The following KCNK10 variants were observed in gnomAD, a reference collection of about 807,000 sequenced individuals.
KCNK10 encodes potassium channel subfamily K member 10.
Under a neutral mutation model 47.7 loss-of-function variants are expected in KCNK10, and 25 were observed. The observed-to-expected ratio is 0.52, with a 90% CI of 0.38 to 0.73. KCNK10 has a LOEUF of 0.73. Ranked by LOEUF, KCNK10 falls within the 30% of genes least tolerant of loss-of-function variation. The probability of loss-of-function intolerance (pLI) is 0.00; values close to 1 mark genes in which losing one functional copy is unlikely to be tolerated. For synonymous variants in KCNK10, 303 were observed against 285.6 expected, an observed-to-expected ratio of 1.06 and a Z score of -0.61; for missense variants, 563 against 714.5, an observed-to-expected ratio of 0.79 and a Z score of 2.42.
chr14:88,282,384 T>C (rs1887669402), intron 1 of KCNK10, among the ~76,000 whole-genome samples: 1 of 152,176 alleles, frequency 6.6e-6, no homozygotes, highest in South Asian at 2.1e-4. Context: ...CAGTTCATGA[T>C]TTTGTATTAA....
chr14:88,299,658 G>C (rs1888056272), intron 1 of KCNK10, among the ~76,000 whole-genome samples: 2 of 152,054 alleles, frequency 1.3e-5, no homozygotes, highest in African/African-American at 4.8e-5. Context: ...CTGTGCATTT[G>C]GAAAAATAGA....
chr14:88,296,375 T>C lies in KCNK10; in HGVS notation c.52+26372A>G, dbSNP rs114342814. On this transcript the variant is annotated intron_variant, in intron 1 of 6. Transcript: ENST00000319231. The stretch of plus-strand genomic sequence containing the variant: ...AATATTGATGATCAATGAATACTTA[T>C]CTTGTAGAATTGTTATCATTTAAAA... 3.0e-3 allele frequency among the ~76,000 whole-genome samples: 455 copies of C among 152,324 alleles called. 6 individuals carry two copies. Among genetic ancestry groups the C allele is most frequent in the African/African-American group, 9.7e-3 (402 of 41,568 alleles).
At chr14:88,321,477 A>C (rs1477643454) in intron 1 of KCNK10, among the ~76,000 whole-genome samples, 1 of 152,200 alleles carries the variant, frequency 6.6e-6, no homozygotes, top group Non-Finnish European at 1.5e-5. Context: ...CTGTATCTCC[A>C]GAGCTTAGGA....
intron 2 of KCNK10, among the ~76,000 whole-genome samples, chr14:88,247,810 T>C (rs1398477767): frequency 6.6e-6 from 1 of 152,226 alleles, no homozygotes; most frequent in African/African-American, 2.4e-5. Flanking sequence ...TCTATCTAAA[T>C]ATTATCTTAT....
intron 1 of KCNK10, among the ~76,000 whole-genome samples, chr14:88,297,108 A>G (rs1467759284): frequency 6.6e-6 from 1 of 152,234 alleles, no homozygotes; most frequent in Non-Finnish European, 1.5e-5. Flanking sequence ...AGTTTATCGG[A>G]GTACTGCACA....
intron 1 of KCNK10, among the ~76,000 whole-genome samples, chr14:88,319,288 G>A (rs1383248050): frequency 3.3e-5 from 5 of 152,058 alleles, no homozygotes; most frequent in Admixed American, 1.3e-4. Flanking sequence ...TAAATTGTAG[G>A]GTAATAAGGC....
intron 4 of KCNK10, among the ~76,000 whole-genome samples, 167 bp downstream of exon 4, chr14:88,227,208 A>C (rs1399464606): frequency 6.6e-6 from 1 of 152,250 alleles, no homozygotes; most frequent in African/African-American, 2.4e-5. Flanking sequence ...AAGGGAGTTT[A>C]GGTGCAAGAT....
intron 1 of KCNK10, among the ~76,000 whole-genome samples, chr14:88,305,739 C>T (rs1039749314): frequency 1.3e-5 from 2 of 152,118 alleles, no homozygotes; most frequent in Non-Finnish European, 2.9e-5. Context: ...GTGAAGAAAT[C>T]GCCAGTAGGG....
intron 2 of KCNK10, among the ~76,000 whole-genome samples, chr14:88,261,316 C>T (rs1229180171): frequency 6.6e-6 from 1 of 152,162 alleles, no homozygotes; most frequent in Non-Finnish European, 1.5e-5. Flanking sequence ...CATATCACAA[C>T]AATGTGTATA....
At chr14:88,229,863 C>T (rs80325391) in intron 3 of KCNK10, among the ~76,000 whole-genome samples, 2,162 of 152,264 alleles carry the variant, frequency 0.014, 32 homozygotes, top group East Asian at 0.04. Flanking sequence ...TCTAGTTACA[C>T]CCCGCCTCTC....
intron 1 of KCNK10, among the ~76,000 whole-genome samples, chr14:88,290,210 CAGAG>C (rs1887847502): frequency 6.6e-6 from 1 of 151,896 alleles, no homozygotes; most frequent in Non-Finnish European, 1.5e-5. Context: ...GCGGGAGGGC[CAGAG>C]AGAGGAGGCA....
intron 1 of KCNK10, among the ~76,000 whole-genome samples, chr14:88,275,693 C>CAAAAAAAAAAA (rs71126972): frequency 3.1e-4 from 22 of 71,928 alleles, no homozygotes; most frequent in African/African-American, 1.1e-3. Flanking sequence ...GCTAAAAATA[C>CAAAAAAAAAAA]AAAAAAAAAA....
Position 88,186,587 on chromosome 14 carries a change from A to G in KCNK10, c.1012-432T>C, listed in dbSNP as rs1388584151. On this transcript the variant is annotated intron_variant, in intron 6 of 6. Coordinates refer to ENST00000319231, the MANE Select transcript of KCNK10 (RefSeq NM_138317.3). The surrounding 1 kb of genome is among the most constrained non-coding windows in gnomAD (Gnocchi z 5.5). ...AAATGCACCTCACTCAGTCCTGGGC[A>G]CAGCAGATGTTCAGCAGGCCTTCTG... Among the ~76,000 whole-genome samples, 2 of 152,172 alleles carry G rather than the reference A, an allele frequency of 1.3e-5. No homozygotes were observed. The highest frequency in any genetic ancestry group is 2.9e-5 in the Non-Finnish European group (2 of 68,036).
At position 88,186,009 on chromosome 14, in the gene KCNK10, G is replaced by C; in HGVS notation, c.1158C>G (p.Gly386=). The C allele has an allele frequency of 6.2e-7, 1 of 1,613,372 alleles. No homozygotes were observed. Among genetic ancestry groups the C allele is most frequent in the African/African-American group, 1.3e-5 (1 of 75,046 alleles). The stretch of plus-strand genomic sequence containing the variant: ...CCAGTGAGTGGGCCCGCTGGTCCAG[G>C]CCCAGCCGCCGGCGCTCCATGCTGC... ...TIRSMERRRL[G]LDQRAHSLDM... The change falls in exon 7 of 7, where the codon GGC becomes GGG. Residue 386 remains glycine (G), a synonymous_variant. Transcript: ENST00000319231. The surrounding 1 kb of genome is among the most constrained non-coding windows in gnomAD (Gnocchi z 5.5).
chr14:88,291,648 T>C (rs754886399), intron 1 of KCNK10, among the ~76,000 whole-genome samples: 27 of 152,168 alleles, frequency 1.8e-4, no homozygotes, highest in Non-Finnish European at 2.9e-4. Context: ...GAGATTTGTC[T>C]GAACTCAGGG....
At chr14:88,190,639 T>A (rs1346289890) in intron 5 of KCNK10, among the ~76,000 whole-genome samples, 2 of 151,624 alleles carry the variant, frequency 1.3e-5, no homozygotes, top group Non-Finnish European at 2.9e-5. Flanking sequence ...AGTTAAAAGC[T>A]AAAAAAAACT....
chr14:88,215,733 C>T (rs1366074014), intron 4 of KCNK10, among the ~76,000 whole-genome samples: 2 of 151,600 alleles, frequency 1.3e-5, no homozygotes, highest in South Asian at 2.1e-4. Context: ...CAAAGCTTGC[C>T]GGGGGGAAAA....
At chr14:88,188,507 T>C (rs12896330) in intron 5 of KCNK10, among the ~76,000 whole-genome samples, 36,519 of 152,140 alleles carry the variant, frequency 0.24, 5,042 homozygotes, top group Non-Finnish European at 0.31. Flanking sequence ...TATAATCATA[T>C]CACCCCCTAT....
At chr14:88,211,405 A>C (rs987663511) in intron 4 of KCNK10, among the ~76,000 whole-genome samples, 8 of 152,240 alleles carry the variant, frequency 5.3e-5, no homozygotes, top group African/African-American at 1.9e-4. Flanking sequence ...ATTTGGGAAG[A>C]TGGAAAAGTT....
Sources: allele counts gnomAD v4.1 joint callset (sites outside exome capture counted in the v4.1 genomes callset), GRCh38; gene constraint gnomAD v4.1.1; non-coding constraint Gnocchi (gnomAD v3.1); transcripts MANE v1.5; gene names NCBI Gene and HGNC (gene_info 2026-07-23, HGNC 2026-07-21).